The following KLF8 variants were observed in gnomAD, a reference collection of about 807,000 sequenced individuals.
KLF8 encodes KLF transcription factor 8.
KLF8 carries 10 observed loss-of-function variants against 18.2 expected under a neutral mutation model. The observed-to-expected ratio is 0.55, with a 90% CI of 0.34 to 0.93. The LOEUF is 0.93. Ranked by LOEUF, KLF8 falls within the 40% of genes least tolerant of loss-of-function variation. KLF8 has a pLI of 0.02. For synonymous variants in KLF8, 109 were observed against 97.3 expected (o/e 1.12, Z -0.71); for missense variants, 264 against 277.9 (o/e 0.95, Z 0.36).
intron 5 of KLF8, among the ~76,000 whole-genome samples, chrX:56,271,538 A>C (rs2067058013): frequency 9.0e-6 from 1 of 111,304 alleles, no homozygotes; most frequent in African/African-American, 3.3e-5. Flanking sequence ...AACATCTGCT[A>C]TGTTACCTTT....
the KLF8 span, among the ~76,000 whole-genome samples, chrX:56,028,963 AG>A: frequency 9.0e-6 from 1 of 110,834 alleles, no homozygotes; most frequent in Non-Finnish European, 1.9e-5. Context: ...GACAGGTAGG[AG>A]GGGGGTGTTC....
At chrX:55,965,287 A>G in the KLF8 span, among the ~76,000 whole-genome samples, 2 of 112,349 alleles carry the variant, frequency 1.8e-5, no homozygotes, top group African/African-American at 3.2e-5. Flanking sequence ...ACAAAAACAC[A>G]TGGTGATGAC....
At chrX:56,028,953 G>T in the KLF8 span, among the ~76,000 whole-genome samples, 1 of 111,137 alleles carries the variant, frequency 9.0e-6, no homozygotes, top group Non-Finnish European at 1.9e-5. Flanking sequence ...CTGGCTTGGG[G>T]ACAGGTAGGA....
chrX:56,051,154 A>T, the KLF8 span, among the ~76,000 whole-genome samples: 2 of 110,965 alleles, frequency 1.8e-5, no homozygotes, highest in Non-Finnish European at 3.8e-5. Context: ...TTTTGAGCCT[A>T]TGTGTGTCTC....
the KLF8 span, chrX:55,962,343 G>A: frequency 6.1e-5 from 12 of 195,377 alleles, no homozygotes; most frequent in African/African-American, 3.4e-4. Flanking sequence ...TGTTTCACAG[G>A]GCTAAAGCCT....
the KLF8 span, among the ~76,000 whole-genome samples, chrX:56,163,080 A>C: frequency 8.9e-6 from 1 of 112,107 alleles, no homozygotes; most frequent in African/African-American, 3.2e-5. Flanking sequence ...TTTATAATAT[A>C]ATCATTTATA....
the KLF8 span, among the ~76,000 whole-genome samples, chrX:56,049,117 G>T: frequency 8.9e-6 from 1 of 111,850 alleles, no homozygotes; most frequent in African/African-American, 3.2e-5. Context: ...CATTGATTTT[G>T]TATCCTGAGA....
the KLF8 span, among the ~76,000 whole-genome samples, chrX:56,001,101 G>C: frequency 8.9e-6 from 1 of 112,046 alleles, no homozygotes; most frequent in African/African-American, 3.2e-5. Flanking sequence ...ATGCTGCAGT[G>C]GGCACTGATG....
At chrX:56,065,508 A>AT in the KLF8 span, among the ~76,000 whole-genome samples, 1 of 110,206 alleles carries the variant, frequency 9.1e-6, no homozygotes, top group African/African-American at 3.3e-5. Flanking sequence ...TCTTTTTGAG[A>AT]TTTTTAATAC....
chrX:56,049,165 G>C, the KLF8 span, among the ~76,000 whole-genome samples: 7 of 111,230 alleles, frequency 6.3e-5, no homozygotes, highest in African/African-American at 2.3e-4. Context: ...GGAGATTTTG[G>C]GCTGAGACGA....
In KLF8 at chrX:56,290,105, C is replaced by A. The variant is rs1014563098; in HGVS notation, c.*5611C>A. ...TCTTTTCTCACTGTTAAATATGGCT[C>A]TCTGACAACAGTGATGCTACCCTGA... On this transcript the variant is annotated 3_prime_UTR_variant, in exon 6 of 6. Transcript: ENST00000468660. 1.8e-5 allele frequency among the ~76,000 whole-genome samples: 2 copies of A among 111,642 alleles called. No homozygotes were observed. The highest frequency in any genetic ancestry group is 6.5e-5 in the African/African-American group (2 of 30,663).
intron 1 of KLF8, among the ~76,000 whole-genome samples, chrX:56,247,284 G>T (rs190964989): frequency 9.0e-6 from 1 of 111,486 alleles, no homozygotes; most frequent in East Asian, 2.8e-4. Context: ...TTAAAATATG[G>T]CATAAAAGAT....
At chrX:56,191,117 A>G in the KLF8 span, among the ~76,000 whole-genome samples, 1 of 111,957 alleles carries the variant, frequency 8.9e-6, no homozygotes, top group Non-Finnish European at 1.9e-5. Flanking sequence ...TCAGAGATGA[A>G]AAAGGAGATG....
chrX:56,033,613 T>C, the KLF8 span, among the ~76,000 whole-genome samples: 1 of 112,212 alleles, frequency 8.9e-6, no homozygotes. Context: ...ATAATGGCTG[T>C]AATATTATAA....
chrX:56,153,662 A>T, the KLF8 span, among the ~76,000 whole-genome samples: 1 of 111,355 alleles, frequency 9.0e-6, no homozygotes, highest in Non-Finnish European at 1.9e-5. Context: ...AGATGACATG[A>T]TTGTATATCT....
the KLF8 span, among the ~76,000 whole-genome samples, chrX:56,039,651 G>A: frequency 8.9e-6 from 1 of 111,777 alleles, no homozygotes; most frequent in African/African-American, 3.3e-5. Flanking sequence ...ATAGTTTGAA[G>A]TCAGATAGCA....
the KLF8 span, among the ~76,000 whole-genome samples, chrX:55,974,312 C>T: frequency 9.0e-6 from 1 of 110,580 alleles, no homozygotes; most frequent in African/African-American, 3.3e-5. Flanking sequence ...CATGTACCTC[C>T]AAACCTAAAA....
At chrX:56,151,106 G>T in the KLF8 span, among the ~76,000 whole-genome samples, 4 of 111,504 alleles carry the variant, frequency 3.6e-5, no homozygotes, top group African/African-American at 1.3e-4. Context: ...TAAGATAGCT[G>T]TTGCTGAGAG....
At chrX:56,147,481 A>G in the KLF8 span, among the ~76,000 whole-genome samples, 1 of 112,438 alleles carries the variant, frequency 8.9e-6, no homozygotes, top group East Asian at 2.8e-4. Flanking sequence ...AAAACAAAAA[A>G]TAAAAAACAT....
Sources: gnomAD v4.1 joint callset for allele counts (sites outside exome capture counted in the v4.1 genomes callset) on GRCh38, gnomAD v4.1.1 for gene constraint, MANE v1.5 for transcripts, NCBI Gene and HGNC (gene_info 2026-07-23, HGNC 2026-07-21) for gene names.